Variants in ADGRB3 observed in about 807,000 individuals in gnomAD.
The protein encoded by ADGRB3 is brain-specific angiogenesis inhibitor 3.
A neutral mutation model predicts 193.4 loss-of-function variants in ADGRB3; 37 were observed. That is an observed-to-expected ratio of 0.19 (90% CI 0.15 to 0.25). ADGRB3 has a LOEUF of 0.25. Among genes scored for constraint, ADGRB3 ranks in the 10% least tolerant of loss-of-function variants. The pLI, the probability that ADGRB3 is intolerant of heterozygous loss-of-function variation, is 1.00. For missense variants in ADGRB3, 1,637 were observed against 1,852.9 expected, an observed-to-expected ratio of 0.88 and a Z score of 2.14; for synonymous variants, 690 against 644.2, an observed-to-expected ratio of 1.07 and a Z score of -1.08.
chr6:68,909,375 A>T (rs751606105), intron 3 of ADGRB3, among the ~76,000 whole-genome samples: 5 of 152,200 alleles, frequency 3.3e-5, no homozygotes, highest in African/African-American at 9.6e-5. Flanking sequence ...TAACACAAAC[A>T]TACTTAATTT....
At chr6:68,883,520 A>G (rs968667243) in intron 3 of ADGRB3, among the ~76,000 whole-genome samples, 1 of 152,096 alleles carries the variant, frequency 6.6e-6, no homozygotes, top group African/African-American at 2.4e-5. Flanking sequence ...GAGCTGTAAC[A>G]CTCACCACAA....
intron 3 of ADGRB3, among the ~76,000 whole-genome samples, chr6:68,901,196 C>A (rs1223080694): frequency 6.6e-6 from 1 of 151,322 alleles, no homozygotes; most frequent in Non-Finnish European, 1.5e-5. Flanking sequence ...AAGAGGTTGC[C>A]TTTGGCCAGA....
At chr6:68,878,803 A>G (rs1765657540) in intron 3 of ADGRB3, among the ~76,000 whole-genome samples, 1 of 152,238 alleles carries the variant, frequency 6.6e-6, no homozygotes, top group African/African-American at 2.4e-5. Flanking sequence ...TTACAGTTCC[A>G]TGTGGCTGGG....
At chr6:68,918,041 A>C (rs1193273579) in intron 3 of ADGRB3, among the ~76,000 whole-genome samples, 1 of 152,220 alleles carries the variant, frequency 6.6e-6, no homozygotes, top group Non-Finnish European at 1.5e-5. Context: ...CAGAATATAC[A>C]GATTCATAGA....
At chr6:68,851,857 A>G (rs1582254761) in intron 3 of ADGRB3, among the ~76,000 whole-genome samples, 1 of 151,836 alleles carries the variant, frequency 6.6e-6, no homozygotes, top group South Asian at 2.1e-4. Flanking sequence ...CAGGAGGATA[A>G]ATAAAAGTTA....
intron 17 of ADGRB3, among the ~76,000 whole-genome samples, chr6:69,085,964 A>T (rs922692816): frequency 1.3e-5 from 2 of 151,964 alleles, no homozygotes; most frequent in Non-Finnish European, 2.9e-5. Context: ...TAGAATAAAA[A>T]TGCATGTATC....
intron 17 of ADGRB3, among the ~76,000 whole-genome samples, chr6:69,197,060 G>A (rs1002825631): frequency 2.0e-5 from 3 of 151,984 alleles, no homozygotes; most frequent in African/African-American, 7.2e-5. Context: ...ATATCAATAT[G>A]TATATGTGTG....
At chr6:68,677,513 C>CT (rs1309574808) in intron 3 of ADGRB3, among the ~76,000 whole-genome samples, 1 of 128,180 alleles carries the variant, frequency 7.8e-6, no homozygotes. Flanking sequence ...TCTTTTTTTT[C>CT]TTTTTTTCTT....
At chr6:69,297,003 T>G (rs939548223) in intron 20 of ADGRB3, among the ~76,000 whole-genome samples, 1 of 152,098 alleles carries the variant, frequency 6.6e-6, no homozygotes, top group Non-Finnish European at 1.5e-5. Flanking sequence ...TATATTTCAG[T>G]TTTGCCACTT....
intron 3 of ADGRB3, among the ~76,000 whole-genome samples, chr6:68,707,084 C>T (rs1765337358): frequency 6.9e-6 from 1 of 145,786 alleles, no homozygotes; most frequent in Non-Finnish European, 1.5e-5. Flanking sequence ...GCACTCCAGC[C>T]TGGGCAACAG....
chr6:69,013,103 G>C (rs3799006), intron 11 of ADGRB3, among the ~76,000 whole-genome samples: 3,077 of 152,150 alleles, frequency 0.02, 56 homozygotes, highest in East Asian at 0.053. Flanking sequence ...GCCTTCAAAG[G>C]CACGCTGGTT....
chr6:68,844,172 G>A (rs906742825), intron 3 of ADGRB3, among the ~76,000 whole-genome samples: 2 of 151,908 alleles, frequency 1.3e-5, no homozygotes, highest in African/African-American at 4.8e-5. Context: ...TGGACAAATG[G>A]TATTACATGA....
At chr6:69,235,542 T>G (rs914579073) in intron 19 of ADGRB3, among the ~76,000 whole-genome samples, 8 of 152,056 alleles carry the variant, frequency 5.3e-5, no homozygotes, top group Non-Finnish European at 1.0e-4. Context: ...CTCAAGTACT[T>G]AAGTTTCAAA....
chr6:69,263,583 A>C (rs1201186709), intron 20 of ADGRB3, among the ~76,000 whole-genome samples: 2 of 151,986 alleles, frequency 1.3e-5, no homozygotes, highest in African/African-American at 4.8e-5. Context: ...TGCATATGTT[A>C]ACTTAATGCT....
rs531436457 is a variant in ADGRB3 at position 68,941,036 on chromosome 6, A to G, written c.1031-2794A>G. On this transcript the variant is annotated intron_variant, in intron 5 of 31. Coordinates refer to ENST00000370598, the MANE Select transcript of ADGRB3 (RefSeq NM_001704.3). ...TCTTCATTTCGTCTCTAGTTATCACAAAAAGACATATAATAATACAGCTAA... is the reference window on the plus strand; with the variant it reads ...TCTTCATTTCGTCTCTAGTTATCACGAAAAGACATATAATAATACAGCTAA... Among the ~76,000 whole-genome samples the G allele has an allele frequency of 3.3e-5, 5 of 152,314 alleles. No homozygotes were observed. The South Asian group carries it at 6.2e-4, about 19-fold the overall frequency.
intron 20 of ADGRB3, among the ~76,000 whole-genome samples, chr6:69,319,149 A>G (rs1352679773): frequency 1.3e-5 from 2 of 151,234 alleles, no homozygotes; most frequent in African/African-American, 2.4e-5. Flanking sequence ...ATATTCTATT[A>G]TCATAGCAAA....
chr6:69,357,965 A>G (rs756524048), intron 28 of ADGRB3, among the ~76,000 whole-genome samples: 3 of 151,956 alleles, frequency 2.0e-5, no homozygotes, highest in South Asian at 2.1e-4. Context: ...TTCCACATCT[A>G]TGTTCCAAGA....
At chr6:69,246,676 G>A (rs1389640323) in intron 20 of ADGRB3, among the ~76,000 whole-genome samples, 1 of 152,148 alleles carries the variant, frequency 6.6e-6, no homozygotes, top group East Asian at 1.9e-4. Flanking sequence ...TGAAGGATGG[G>A]CTCAGGGCAA....
At chr6:68,668,158 A>G (rs1768847055) in intron 3 of ADGRB3, among the ~76,000 whole-genome samples, 1 of 152,046 alleles carries the variant, frequency 6.6e-6, no homozygotes, top group South Asian at 2.1e-4. Flanking sequence ...CTAGAGCCAA[A>G]AAACTGAAGC....
Sources: allele counts gnomAD v4.1 joint callset (sites outside exome capture counted in the v4.1 genomes callset), GRCh38; gene constraint gnomAD v4.1.1; transcripts MANE v1.5; gene names NCBI Gene and HGNC (gene_info 2026-07-23, HGNC 2026-07-21).